RIC1: variants seen among roughly 807,000 people sequenced by gnomAD.
RIC1 encodes the protein guanine nucleotide exchange factor subunit RIC1.
A neutral mutation model predicts 169.0 loss-of-function variants in RIC1; 88 were observed. The ratio of observed to expected loss-of-function variants is 0.52; its 90% CI spans 0.44 to 0.62. The LOEUF (loss-of-function observed/expected upper bound fraction) is 0.62. RIC1 is among the 20% of genes least tolerant of loss of function. The probability of loss-of-function intolerance (pLI) is 0.00; values close to 1 mark genes in which losing one functional copy is unlikely to be tolerated. For missense variants in RIC1, 1,877 were observed against 1,725.5 expected (o/e 1.09, Z -1.56); for synonymous variants, 790 against 601.5 (o/e 1.31, Z -4.59).
At chr9:5,638,380 C>A (rs1818075956) in intron 1 of RIC1, among the ~76,000 whole-genome samples, 1 of 152,124 alleles carries the variant, frequency 6.6e-6, no homozygotes, top group Non-Finnish European at 1.5e-5. Flanking sequence ...TAGAAGTACT[C>A]CCTCCTCCTG....
At chr9:5,663,202 T>C (rs751024226) in intron 2 of RIC1, among the ~76,000 whole-genome samples, 18 of 152,142 alleles carry the variant, frequency 1.2e-4, no homozygotes, top group African/African-American at 2.7e-4. Context: ...GAGACTGTTA[T>C]CATTTCAGTT....
intron 2 of RIC1, among the ~76,000 whole-genome samples, chr9:5,684,235 T>A (rs1040463149): frequency 8.1e-6 from 1 of 123,736 alleles, no homozygotes; most frequent in African/African-American, 3.0e-5. Flanking sequence ...TGCTGGGAGC[T>A]GTAGACTGGA....
intron 3 of RIC1, among the ~76,000 whole-genome samples, chr9:5,705,590 G>A (rs932300891): frequency 6.6e-6 from 1 of 152,042 alleles, no homozygotes; most frequent in Admixed American, 6.6e-5. Context: ...TGAATAAAGA[G>A]AGTCCCATTT....
chr9:5,709,409 A>C (rs901763686), intron 3 of RIC1, among the ~76,000 whole-genome samples: 1 of 152,130 alleles, frequency 6.6e-6, no homozygotes, highest in African/African-American at 2.4e-5. Context: ...TTAGAGTTTG[A>C]TTATCAGCTC....
intron 3 of RIC1, among the ~76,000 whole-genome samples, chr9:5,709,345 G>T (rs1215545510): frequency 6.6e-6 from 1 of 152,098 alleles, no homozygotes. Flanking sequence ...GCAGACAGAG[G>T]TTACTGTGTT....
intron 1 of RIC1, among the ~76,000 whole-genome samples, chr9:5,654,289 C>G (rs1212214359): frequency 6.6e-6 from 1 of 151,862 alleles, no homozygotes; most frequent in African/African-American, 2.4e-5. Context: ...TCTTGCTACC[C>G]AGGCTGGAGT....
At chr9:5,700,633 A>G (rs1822156257) in intron 3 of RIC1, among the ~76,000 whole-genome samples, 2 of 151,912 alleles carry the variant, frequency 1.3e-5, no homozygotes, top group South Asian at 4.1e-4. Flanking sequence ...TCTTCTTAAA[A>G]TACTTGAATT....
intron 2 of RIC1, among the ~76,000 whole-genome samples, chr9:5,666,113 T>A (rs143256031): frequency 2.0e-4 from 31 of 152,152 alleles, no homozygotes; most frequent in African/African-American, 7.5e-4. Context: ...TCTGTCTAAT[T>A]GGGGGTGGCT....
chr9:5,720,534 T>TA, intron 5 of RIC1, 80 bp from the exon 6 acceptor site: 6 of 1,375,788 alleles, frequency 4.4e-6, no homozygotes, highest in Non-Finnish European at 5.9e-6. Context: ...CTTTTAAACT[T>TA]ACAGGTTTTT....
At position 5,676,181 on chromosome 9, in the gene RIC1, T is replaced by C. The variant is rs181863002; in HGVS notation, c.253-13778T>C. ...ATACGCCCACCTCAGACTCCCAAAG[T>C]GCTGGGATTACAGATGTGAGCCACT... On this transcript the variant is annotated intron_variant, in intron 2 of 25. Coordinates refer to ENST00000414202, the MANE Select transcript of RIC1 (RefSeq NM_020829.4). Among the ~76,000 whole-genome samples the C allele has an allele frequency of 2.6e-4, 39 of 152,290 alleles. 1 individual carries two copies. In the East Asian group the frequency reaches 4.2e-3, roughly 17 times the overall value.
chr9:5,645,275 C>T (rs894665907), intron 1 of RIC1, among the ~76,000 whole-genome samples: 1 of 152,142 alleles, frequency 6.6e-6, no homozygotes, highest in East Asian at 1.9e-4. Context: ...TGGTCTTAAA[C>T]TCCCATCGTC....
chr9:5,640,800 A>C (rs1311060067), intron 1 of RIC1, among the ~76,000 whole-genome samples: 1 of 152,136 alleles, frequency 6.6e-6, no homozygotes, highest in East Asian at 1.9e-4. Context: ...GAACTCTCTC[A>C]GCATTTTTTG....
At position 5,761,860 on chromosome 9, in the gene RIC1, G is replaced by T. The variant is rs1355385432; in HGVS notation, c.1993-681G>T. Among the ~76,000 whole-genome samples, 3 of 152,318 alleles carry T rather than the reference G, an allele frequency of 2.0e-5. No individual in the cohort carries two copies. In the East Asian group the frequency reaches 5.8e-4, roughly 29 times the overall value. The stretch of plus-strand genomic sequence containing the variant: ...ATACTAGGCTCTCTGAGGTTTGATT[G>T]AAATTTTTCATTATAAAAAGGCAGA... On this transcript the variant is annotated intron_variant, in intron 17 of 25. Coordinates refer to ENST00000414202, the MANE Select transcript of RIC1 (RefSeq NM_020829.4).
intron 6 of RIC1, among the ~76,000 whole-genome samples, chr9:5,724,014 T>C (rs542279360): frequency 6.6e-6 from 1 of 152,252 alleles, no homozygotes; most frequent in East Asian, 1.9e-4. Context: ...CTTTGTTCTT[T>C]TGGCTTAGGA....
At chr9:5,646,312 C>G (rs1053973286) in intron 1 of RIC1, among the ~76,000 whole-genome samples, 1 of 151,912 alleles carries the variant, frequency 6.6e-6, no homozygotes, top group Non-Finnish European at 1.5e-5. Flanking sequence ...GGGTATAATC[C>G]TTTATCAGAT....
At chr9:5,744,116 GT>G (rs149478716) in intron 10 of RIC1, among the ~76,000 whole-genome samples, 4,084 of 150,870 alleles carry the variant, frequency 0.027, 176 homozygotes, top group African/African-American at 0.09. Flanking sequence ...AAAGTCTTTT[GT>G]TTTTTTTTAA....
At chr9:5,766,436 G>A (rs1339639128) in intron 21 of RIC1, among the ~76,000 whole-genome samples, 2 of 151,918 alleles carry the variant, frequency 1.3e-5, no homozygotes, top group East Asian at 3.9e-4. Context: ...TGAGATTTTG[G>A]TGCACCCATC....
intron 1 of RIC1, among the ~76,000 whole-genome samples, chr9:5,633,264 T>C (rs1470703553): frequency 6.6e-6 from 1 of 152,126 alleles, no homozygotes; most frequent in Non-Finnish European, 1.5e-5. Flanking sequence ...AGGAAGACCA[T>C]TTTATTTGTA....
At chr9:5,678,192 G>A (rs961602842) in intron 2 of RIC1, among the ~76,000 whole-genome samples, 2 of 152,014 alleles carry the variant, frequency 1.3e-5, no homozygotes, top group Non-Finnish European at 2.9e-5. Flanking sequence ...CTTTTTTATG[G>A]CTGCATAGTA....
Sources: gnomAD v4.1 joint callset for allele counts (sites outside exome capture counted in the v4.1 genomes callset) on GRCh38, gnomAD v4.1.1 for gene constraint, MANE v1.5 for transcripts, NCBI Gene and HGNC (gene_info 2026-07-23, HGNC 2026-07-21) for gene names.